Variants in SRP72 observed in about 807,000 individuals in gnomAD.
The protein encoded by SRP72 is signal recognition particle subunit SRP72.
In SRP72, 49 loss-of-function variants were observed where a neutral mutation model predicts 96.3. That is an observed-to-expected ratio of 0.51 (90% CI 0.40 to 0.65). The LOEUF is 0.65. Among genes scored for constraint, SRP72 ranks in the 30% least tolerant of loss-of-function variants. The probability of loss-of-function intolerance (pLI) is 0.00; values close to 1 mark genes in which losing one functional copy is unlikely to be tolerated. For missense variants in SRP72, 736 were observed against 793.3 expected (o/e 0.93, Z 0.87); for synonymous variants, 267 against 275.2 (o/e 0.97, Z 0.30).
In SRP72 at chr4:56,467,632, C is replaced by G. The variant is rs1467103288; in HGVS notation, c.-4C>G. On this transcript the variant is annotated 5_prime_UTR_variant, in exon 1 of 19. Transcript: ENST00000642900. Reference sequence around the variant, plus strand: ...TCCCCGCCCCGCCCCTCGTCTCCTCCAAGATGGCGAGCGGCGGCAGCGGGG... The same window carrying G: ...TCCCCGCCCCGCCCCTCGTCTCCTCGAAGATGGCGAGCGGCGGCAGCGGGG... 3.9e-6 allele frequency: 6 copies of G among 1,557,146 alleles called. No individual in the cohort carries two copies. The highest frequency in any genetic ancestry group is 1.4e-5 in the African/African-American group (1 of 71,420).
At position 56,501,776 on chromosome 4, in the gene SRP72, C is replaced by T; in HGVS notation, c.1931C>T (p.Pro644Leu). 1 of 1,614,092 alleles carries T rather than the reference C, an allele frequency of 6.2e-7. No individual in the cohort carries two copies. The highest frequency in any genetic ancestry group is 8.5e-7 in the Non-Finnish European group (1 of 1,179,994). Residue 644 changes from proline (P) to leucine (L), a missense_variant, in exon 19 of 19, where the codon CCA (proline) becomes CTA (leucine). Transcript: ENST00000642900. ...GCCTCTACAAGTAACATCATACCCC[C>T]AAGACACCAGAAACCTGCAGGGGCT... ...VSASTSNIIP[P>L]RHQKPAGAPA...
At position 56,469,888 on chromosome 4, in the gene SRP72, CT is replaced by C. The variant is rs33985780; in HGVS notation, c.230+122del. The C allele has an allele frequency of 1.1e-4, 103 of 924,694 alleles. No individual in the cohort carries two copies. The East Asian group carries it at 2.2e-3, about 20-fold the overall frequency. The allele number at this position is 924,694 out of a possible 1,614,324, so 57.3% of individuals were successfully genotyped here. Reference sequence around the variant, plus strand: ...ATTTTTTTTAACGTTTTTTTCCTTCCTTTTTTTCCCCCCTTTTGCTTGTCAA... The same window carrying C: ...ATTTTTTTTAACGTTTTTTTCCTTCCTTTTTTCCCCCCTTTTGCTTGTCAA... On this transcript the variant is annotated intron_variant, in intron 2 of 18. Coordinates refer to ENST00000642900, the MANE Select transcript of SRP72 (RefSeq NM_006947.4).
chr4:56,490,887 T>C, intron 15 of SRP72, among the ~76,000 whole-genome samples: 1 of 152,352 alleles, frequency 6.6e-6, no homozygotes, highest in East Asian at 1.9e-4. Context: ...ATGGCCTCTT[T>C]TCCTCCAGGT....
At chr4:56,490,693 ATCTCT>A (rs1236264936) in intron 15 of SRP72, 48 bp downstream of exon 15, 1 of 1,457,468 alleles carries the variant, frequency 6.9e-7, no homozygotes, top group Admixed American at 1.8e-5. Flanking sequence ...AGCACAATAG[ATCTCT>A]TCTGATATCT....
intron 16 of SRP72, among the ~76,000 whole-genome samples, chr4:56,493,489 T>G (rs1195804199): frequency 6.6e-6 from 1 of 152,228 alleles, no homozygotes; most frequent in Non-Finnish European, 1.5e-5. Context: ...ATGCAAAGGT[T>G]TAGTTTCCTT....
At chr4:56,487,293 G>A (rs1011397057) in intron 11 of SRP72, among the ~76,000 whole-genome samples, 7 of 152,120 alleles carry the variant, frequency 4.6e-5, no homozygotes, top group African/African-American at 1.2e-4. Context: ...TGAAAATAAG[G>A]TTGAGACACA....
intron 16 of SRP72, among the ~76,000 whole-genome samples, chr4:56,493,580 G>A (rs1720981509): frequency 6.6e-6 from 1 of 151,956 alleles, no homozygotes; most frequent in South Asian, 2.1e-4. Flanking sequence ...AAGAACTTGA[G>A]CCCTGACATG....
intron 13 of SRP72, 124 bp downstream of exon 13, chr4:56,489,607 A>T (rs1387790734): frequency 8.3e-6 from 4 of 483,712 alleles, no homozygotes; most frequent in Non-Finnish European, 1.4e-5. Flanking sequence ...TACTATTTAG[A>T]TTATCAAATG....
chr4:56,495,591 G>A (rs1358256560), intron 17 of SRP72, among the ~76,000 whole-genome samples, 197 bp downstream of exon 17: 1 of 151,976 alleles, frequency 6.6e-6, no homozygotes, highest in African/African-American at 2.4e-5. Flanking sequence ...AATTCAAATC[G>A]TTGCTCCCTC....
chr4:56,487,474 T>G lies in SRP72; in HGVS notation c.1160-475T>G, dbSNP rs1720753666. On this transcript the variant is annotated intron_variant, in intron 11 of 18. Transcript: ENST00000642900. The stretch of plus-strand genomic sequence containing the variant: ...TCTTGAAATTACTGACAATCTGTCA[T>G]GGTTTTTTGTTTGTTTTTAAAGACT... Among the ~76,000 whole-genome samples the G allele has an allele frequency of 2.6e-5, 4 of 152,312 alleles. No homozygotes were observed. In the South Asian group the frequency reaches 8.3e-4, roughly 32 times the overall value.
intron 6 of SRP72, chr4:56,476,903 T>A (rs1720246963): frequency 3.6e-6 from 2 of 561,500 alleles, no homozygotes; most frequent in Admixed American, 7.2e-5. Context: ...AATTTTGACA[T>A]AACCTTAAGC....
At position 56,474,363 on chromosome 4, in the gene SRP72, G is replaced by C; in HGVS notation, c.582G>C (p.Gln194His). 6.2e-7 allele frequency: 1 copy of C among 1,613,964 alleles called. No individual in the cohort carries two copies. Among genetic ancestry groups the C allele is most frequent in the East Asian group, 2.2e-5 (1 of 44,880 alleles). Residue 194 changes from glutamine to histidine, a missense_variant, in exon 5 of 19, where the codon CAG becomes CAC. By Grantham distance (24) the Gln-to-His change is conservative. Transcript: ENST00000642900. ...TGATAGGCCAAGGCCAGCTGAACCA[G>C]GCCATGAAAATCCTACAAAAAGCTG... ...CALIGQGQLN[Q>H]AMKILQKAED...
At chr4:56,500,950 T>C (rs1303847331) in intron 18 of SRP72, among the ~76,000 whole-genome samples, 2 of 148,164 alleles carry the variant, frequency 1.3e-5, no homozygotes, top group Admixed American at 1.3e-4. Context: ...GAAATATATA[T>C]AGTAAAAACT....
rs780619103 is a variant in SRP72, at chr4:56,474,069, C to T, written c.370C>T (p.Arg124Cys). 8.1e-6 allele frequency: 13 copies of T among 1,613,424 alleles called. No individual in the cohort carries two copies. Among genetic ancestry groups the T allele is most frequent in the East Asian group, 4.5e-5 (2 of 44,880 alleles). Residue 124 changes from arginine to cysteine, a missense_variant, in exon 4 of 19, where the codon CGC becomes TGC. Arg to Cys is a radical substitution (Grantham distance 180). Coordinates refer to ENST00000642900, the MANE Select transcript of SRP72 (RefSeq NM_006947.4). ...LYGQVLYRLERYDECLAVYRD... is the reference protein window; with the variant it reads ...LYGQVLYRLECYDECLAVYRD... The stretch of plus-strand genomic sequence containing the variant: ...TATTATTCAGTTATACCGTTTGGAA[C>T]GCTATGATGAATGCTTAGCAGTGTA...
intron 8 of SRP72, among the ~76,000 whole-genome samples, chr4:56,481,573 T>C (rs988358899): frequency 1.3e-5 from 2 of 151,888 alleles, no homozygotes; most frequent in African/African-American, 4.8e-5. Context: ...ACAGTAGATA[T>C]GTTACATGAG....
At chr4:56,472,472 A>AG (rs1368871359) in intron 3 of SRP72, among the ~76,000 whole-genome samples, 1 of 151,146 alleles carries the variant, frequency 6.6e-6, no homozygotes, top group Non-Finnish European at 1.5e-5. Context: ...CAGCCTTCCA[A>AG]GTAGCTGTGA....
intron 5 of SRP72, chr4:56,475,850 G>A (rs1029479889): frequency 7.9e-5 from 12 of 152,226 alleles, no homozygotes; most frequent in Admixed American, 4.6e-4. Context: ...ATAAATTTAC[G>A]TATGTGTCTG....
chr4:56,492,849 T>C (rs1720953416), intron 16 of SRP72, among the ~76,000 whole-genome samples: 1 of 152,134 alleles, frequency 6.6e-6, no homozygotes, highest in Non-Finnish European at 1.5e-5. Flanking sequence ...TTCTTTAGCC[T>C]GGCATAGTGG....
chr4:56,492,143 T>C (rs368768484), intron 16 of SRP72, among the ~76,000 whole-genome samples: 1 of 152,358 alleles, frequency 6.6e-6, no homozygotes, highest in East Asian at 1.9e-4. Flanking sequence ...AGAAGGAGGA[T>C]TGTATTGTAC....
Sources: gnomAD v4.1 joint callset for allele counts (sites outside exome capture counted in the v4.1 genomes callset) on GRCh38, gnomAD v4.1.1 for gene constraint, MANE v1.5 for transcripts, NCBI Gene and HGNC (gene_info 2026-07-23, HGNC 2026-07-21) for gene names.